Variants in SPAG1 observed in about 807,000 individuals in gnomAD.
The protein encoded by SPAG1 is sperm-associated antigen 1.
Under a neutral mutation model 100.5 loss-of-function variants are expected in SPAG1, and 69 were observed. That is an observed-to-expected ratio of 0.69 (90% CI 0.57 to 0.84). The LOEUF (loss-of-function observed/expected upper bound fraction) is 0.84. SPAG1 is among the 40% of genes least tolerant of loss of function. SPAG1 has a pLI of 0.00. For synonymous variants in SPAG1, 336 were observed against 411.6 expected (o/e 0.82, Z 2.22); for missense variants, 955 against 1,133.1 (o/e 0.84, Z 2.26).
intron 11 of SPAG1, 86 bp downstream of exon 11, chr8:100,213,514 C>G (rs1459133301): frequency 9.3e-7 from 1 of 1,077,800 alleles, no homozygotes; most frequent in Non-Finnish European, 1.2e-6. Flanking sequence ...GAGGCGCTGC[C>G]GCCTCCTGAA....
At chr8:100,205,993 T>C (rs1817490806) in intron 10 of SPAG1, among the ~76,000 whole-genome samples, 1 of 126,438 alleles carries the variant, frequency 7.9e-6, no homozygotes, top group East Asian at 2.2e-4. Context: ...CACTCCAGCC[T>C]GGCGACAGAG....
At chr8:100,220,889 A>G (rs1818243015) in intron 13 of SPAG1, among the ~76,000 whole-genome samples, 1 of 152,152 alleles carries the variant, frequency 6.6e-6, no homozygotes, top group Admixed American at 6.5e-5. Context: ...CCTGGCCAAC[A>G]TGGCGAAACC....
chr8:100,166,224 A>G (rs1415734047), intron 3 of SPAG1, among the ~76,000 whole-genome samples: 2 of 152,176 alleles, frequency 1.3e-5, no homozygotes, highest in Admixed American at 1.3e-4. Context: ...ATCATCTTCA[A>G]TAAATAGTGC....
chr8:100,239,391 T>C lies in SPAG1; in HGVS notation c.2267T>C (p.Ile756Thr), dbSNP rs1819154112. 6.2e-7 allele frequency: 1 copy of C among 1,602,292 alleles called. No homozygotes were observed. Among genetic ancestry groups the C allele is most frequent in the South Asian group, 1.1e-5 (1 of 90,784 alleles). ...PFNKEKERRK[I>T]EIQEVNEGKE... ...AACAAAGAAAAGGAGAGAAGGAAAA[T>C]TGAGATTCAAGAGGTATTTGTATTT... The change falls in exon 17 of 19, where the codon ATT (isoleucine) becomes ACT (threonine). Residue 756 changes from isoleucine to threonine, a missense_variant. Transcript: ENST00000388798. The surrounding 1 kb of genome is among the most constrained non-coding windows in gnomAD (Gnocchi z 5.0).
chr8:100,165,565 C>A, intron 2 of SPAG1: 1 of 410,560 alleles, frequency 2.4e-6, no homozygotes, highest in South Asian at 2.9e-5. Flanking sequence ...CCGCCCCACT[C>A]ACCCTTATCC....
chr8:100,235,571 T>A (rs1011419035), intron 16 of SPAG1, among the ~76,000 whole-genome samples: 2 of 151,974 alleles, frequency 1.3e-5, no homozygotes, highest in African/African-American at 2.4e-5. Context: ...ACTGATTGAG[T>A]CTGAGATAGT....
At chr8:100,233,624 T>A in intron 16 of SPAG1, 87 bp downstream of exon 16, 2 of 1,344,498 alleles carry the variant, frequency 1.5e-6, no homozygotes, top group Admixed American at 4.4e-5. Flanking sequence ...GATCTTGGGA[T>A]GGGATTGAGG....
Position 100,174,039 on chromosome 8 carries a change from T to C in SPAG1, c.301-3777T>C, listed in dbSNP as rs186869885. Among the ~76,000 whole-genome samples, 533 of 152,242 alleles carry C rather than the reference T, an allele frequency of 3.5e-3. 1 individual carries two copies. The highest frequency in any genetic ancestry group is 5.7e-3 in the Non-Finnish European group (390 of 68,014). Reference sequence around the variant, plus strand: ...GGCATGGATCACATTGTCTAAAAAATTGACTCATAGGAAACTATGATAAAT... The same window carrying C: ...GGCATGGATCACATTGTCTAAAAAACTGACTCATAGGAAACTATGATAAAT... On this transcript the variant is annotated intron_variant, in intron 3 of 18. Transcript: ENST00000388798.
At chr8:100,181,579 T>C (rs1346379640) in intron 4 of SPAG1, among the ~76,000 whole-genome samples, 1 of 152,222 alleles carries the variant, frequency 6.6e-6, no homozygotes, top group Non-Finnish European at 1.5e-5. Context: ...TGGCAGGGCC[T>C]TTCTTCCTCC....
Position 100,191,406 on chromosome 8 carries a change from T to C in SPAG1, c.849T>C (p.Ala283=), listed in dbSNP as rs145225526. 4.3e-6 allele frequency: 7 copies of C among 1,613,326 alleles called. No homozygotes were observed. The highest frequency in any genetic ancestry group is 1.1e-5 in the South Asian group (1 of 90,996). ...AATTTTCAGCTCTTCTGCGTCGTGC[T>C]ACTACATATAAACATCAAAACAAGC... ...PGNVKALLRR[A]TTYKHQNKLR... is the part of the protein sequence containing the mutation. The change falls in exon 9 of 19, where the codon GCT becomes GCC. Residue 283 remains alanine (A), a synonymous_variant. Coordinates refer to ENST00000388798, the MANE Select transcript of SPAG1 (RefSeq NM_003114.5).
chr8:100,162,587 G>T (rs888755760), intron 2 of SPAG1, among the ~76,000 whole-genome samples, 167 bp downstream of exon 2: 2 of 152,160 alleles, frequency 1.3e-5, no homozygotes, highest in Non-Finnish European at 2.9e-5. Context: ...TTCCACCTAG[G>T]TCTACTGCCA....
intron 1 of SPAG1, among the ~76,000 whole-genome samples, 182 bp from the exon 2 acceptor site, chr8:100,162,097 A>G (rs1200364111): frequency 1.3e-5 from 2 of 152,180 alleles, no homozygotes; most frequent in Admixed American, 1.3e-4. Flanking sequence ...GGGAGGCTGA[A>G]GCAGGAGGAT....
intron 14 of SPAG1, among the ~76,000 whole-genome samples, chr8:100,229,094 T>C (rs1305193257): frequency 6.6e-6 from 1 of 152,154 alleles, no homozygotes; most frequent in Non-Finnish European, 1.5e-5. Flanking sequence ...AGAGAAACCA[T>C]TGATTTTGAT....
chr8:100,214,043 T>G, intron 12 of SPAG1, 125 bp downstream of exon 12: 1 of 556,070 alleles, frequency 1.8e-6, no homozygotes, highest in Admixed American at 3.2e-5. Context: ...GGTATGTTAA[T>G]TGATTGATGC....
In SPAG1 at chr8:100,203,104, A is replaced by G. The variant is rs1179863659; in HGVS notation, c.1096+8836A>G. Among the ~76,000 whole-genome samples, 5 of 152,196 alleles carry G rather than the reference A, an allele frequency of 3.3e-5. No individual in the cohort carries two copies. The East Asian group carries it at 9.6e-4, about 29-fold the overall frequency. ...CATTAAGTCTGGTGGGCACAATCTA[A>G]TCAGCTGCCAGCAAATATAAGCAGG... On this transcript the variant is annotated intron_variant, in intron 10 of 18. Transcript: ENST00000388798.
chr8:100,230,081 T>C (rs1023369238), intron 14 of SPAG1, among the ~76,000 whole-genome samples: 4 of 152,148 alleles, frequency 2.6e-5, no homozygotes, highest in African/African-American at 7.2e-5. Flanking sequence ...CCCTGAACAA[T>C]TGGATTACTA....
At position 100,228,159 on chromosome 8, in the gene SPAG1, A is replaced by G. The variant is rs552693462; in HGVS notation, c.1855+2820A>G. Among the ~76,000 whole-genome samples the G allele has an allele frequency of 3.9e-5, 6 of 152,302 alleles. No individual in the cohort carries two copies. In the South Asian group the frequency reaches 1.0e-3, roughly 26 times the overall value. ...TAGGCTATGTGAGATCTTTTGAAAC[A>G]TGAAACATGGGCAGAAATATTCTGT... On this transcript the variant is annotated intron_variant, in intron 14 of 18. Coordinates refer to ENST00000388798, the MANE Select transcript of SPAG1 (RefSeq NM_003114.5).
At chr8:100,208,389 G>C (rs1005466270) in intron 10 of SPAG1, among the ~76,000 whole-genome samples, 1 of 152,146 alleles carries the variant, frequency 6.6e-6, no homozygotes, top group Non-Finnish European at 1.5e-5. Context: ...CATGCCCTCT[G>C]ATTAAGGTCA....
Position 100,187,160 on chromosome 8 carries a change from C to G in SPAG1, c.742C>G (p.Arg248Gly), listed in dbSNP as rs770777381. 5.6e-6 allele frequency: 9 copies of G among 1,612,542 alleles called. No homozygotes were observed. Among genetic ancestry groups the G allele is most frequent in the Non-Finnish European group, 7.6e-6 (9 of 1,179,116 alleles). ...ALPTVVAYNN[R>G]AQAEIKLQNW... ...TCCCACTGTAGTTGCCTATAACAAT[C>G]GAGCTCAAGCAGAAATCAAATTACA... Residue 248 changes from arginine to glycine, a missense_variant, in exon 8 of 19, where the codon CGA (arginine) becomes GGA (glycine). Coordinates refer to ENST00000388798, the MANE Select transcript of SPAG1 (RefSeq NM_003114.5).
Sources: gnomAD v4.1 joint callset for allele counts (sites outside exome capture counted in the v4.1 genomes callset) on GRCh38, gnomAD v4.1.1 for gene constraint, Gnocchi (gnomAD v3.1) non-coding constraint, MANE v1.5 for transcripts, NCBI Gene and HGNC (gene_info 2026-07-23, HGNC 2026-07-21) for gene names.